PIEZO2: variants seen among roughly 807,000 people sequenced by gnomAD.
The protein encoded by PIEZO2 is piezo-type mechanosensitive ion channel component 2.
In PIEZO2, 172 loss-of-function variants were observed where a neutral mutation model predicts 337.3. The observed-to-expected ratio is 0.51, with a 90% CI of 0.45 to 0.58. The LOEUF is 0.58. PIEZO2 is among the 20% of genes least tolerant of loss of function. The pLI is 0.00. For missense variants in PIEZO2, 3,028 were observed against 3,391.3 expected (o/e 0.89, Z 2.66); for synonymous variants, 1,251 against 1,228.5 (o/e 1.02, Z -0.38).
At chr18:10,802,532 T>G (rs1451147474) in intron 9 of PIEZO2, among the ~76,000 whole-genome samples, 2 of 152,244 alleles carry the variant, frequency 1.3e-5, no homozygotes, top group African/African-American at 2.4e-5. Flanking sequence ...TTTATAATTT[T>G]GCATATCTAT....
At chr18:11,045,429 C>G (rs530932560) in intron 2 of PIEZO2, among the ~76,000 whole-genome samples, 113 of 152,124 alleles carry the variant, frequency 7.4e-4, no homozygotes, top group South Asian at 1.5e-3. Flanking sequence ...GTATTTTCTC[C>G]GTGAGACACA....
intron 2 of PIEZO2, among the ~76,000 whole-genome samples, chr18:11,026,014 T>C (rs943077896): frequency 2.6e-5 from 4 of 152,180 alleles, no homozygotes; most frequent in African/African-American, 9.7e-5. Flanking sequence ...TTTTCAGAGC[T>C]GCTCAGCACC....
At position 10,789,247 on chromosome 18, in the gene PIEZO2, ATCT is replaced by A. The variant is rs754994085; in HGVS notation, c.1998_2000del (p.Glu666del). The stretch of plus-strand genomic sequence containing the variant: ...CCAGGACTTTCATGATGTCCTGCTC[ATCT>A]TCTTCTTCAGCTTCCTCTTGCTCTA... On this transcript the variant is annotated inframe_deletion, in exon 15 of 56. Transcript: ENST00000674853. The A allele has an allele frequency of 3.3e-6, 5 of 1,537,286 alleles. No homozygotes were observed. In the South Asian group the frequency reaches 3.6e-5, roughly 11 times the overall value.
rs1009618881 is a variant in PIEZO2, at chr18:10,953,465, T to TA, written c.286+26069dup. 6.6e-6 allele frequency among the ~76,000 whole-genome samples: 1 copy of TA among 152,158 alleles called. No homozygotes were observed. Among genetic ancestry groups the TA allele is most frequent in the African/African-American group, 2.4e-5 (1 of 41,442 alleles). On this transcript the variant is annotated intron_variant, in intron 3 of 55. Coordinates refer to ENST00000674853, the MANE Select transcript of PIEZO2 (RefSeq NM_001378183.1). The surrounding 1 kb of genome is among the most constrained non-coding windows in gnomAD (Gnocchi z 5.2). Reference sequence around the variant, plus strand: ...AAGAATTTAAGTTCTTTTTTTAATATAAAAAAACACTATTGTTGAAAAGTG... The same window carrying TA: ...AAGAATTTAAGTTCTTTTTTTAATATAAAAAAAACACTATTGTTGAAAAGTG...
chr18:11,028,030 C>T lies in PIEZO2; in HGVS notation c.160+38097G>A, dbSNP rs1474709310. On this transcript the variant is annotated intron_variant, in intron 2 of 55. Transcript: ENST00000674853. The surrounding 1 kb of genome is among the most constrained non-coding windows in gnomAD (Gnocchi z 4.8). ...TAGTGCAGGGTAACCTGCCAAGTGT[C>T]CCTGTGGCTAGTCCAAGCACCGTCA... Among the ~76,000 whole-genome samples the T allele has an allele frequency of 6.6e-6, 1 of 152,218 alleles. No homozygotes were observed. The highest frequency in any genetic ancestry group is 1.5e-5 in the Non-Finnish European group (1 of 68,040).
intron 4 of PIEZO2, among the ~76,000 whole-genome samples, chr18:10,897,961 C>A (rs1195828328): frequency 1.3e-5 from 2 of 152,202 alleles, no homozygotes; most frequent in Non-Finnish European, 2.9e-5. Flanking sequence ...TAGGCTGGTG[C>A]AAGCTCCTCA....
rs762550119 is a variant in PIEZO2 at position 10,699,018 on chromosome 18, G to T, written c.6601C>A (p.Pro2201Thr). ...ASVESVHVTF[P>T]EQQTAVRRKR... Reference sequence around the variant, plus strand: ...CTCCGGACAGCTGTCTGCTGCTCCGGGAAGGTCACATGCACTGACTCCACA... The same window carrying T: ...CTCCGGACAGCTGTCTGCTGCTCCGTGAAGGTCACATGCACTGACTCCACA... Residue 2201 changes from proline (P) to threonine (T), a missense_variant, in exon 44 of 56, where the codon CCG becomes ACG. Pro to Thr is a conservative substitution (Grantham distance 38). Transcript: ENST00000674853. 5.9e-6 allele frequency: 9 copies of T among 1,537,090 alleles called. No individual in the cohort carries two copies. Among genetic ancestry groups the T allele is most frequent in the Middle Eastern group, 1.7e-4 (1 of 5,988 alleles).
intron 2 of PIEZO2, among the ~76,000 whole-genome samples, chr18:11,011,784 T>G (rs1242341389): frequency 6.6e-6 from 1 of 152,114 alleles, no homozygotes; most frequent in Non-Finnish European, 1.5e-5. Context: ...CCAAGGAAAA[T>G]TAGTATTTTC....
rs2037402223 is a variant in PIEZO2 at position 11,048,494 on chromosome 18, A to G, written c.160+17633T>C. On this transcript the variant is annotated intron_variant, in intron 2 of 55. Coordinates refer to ENST00000674853, the MANE Select transcript of PIEZO2 (RefSeq NM_001378183.1). This position sits in a 1 kb window ranked among gnomAD's most constrained non-coding sequence, Gnocchi z 4.5. ...GAAATACTAAAAGGCAGCTTAAAGC[A>G]CAGTAATTGTCTACTTACATGTTGG... Among the ~76,000 whole-genome samples the G allele has an allele frequency of 6.6e-6, 1 of 152,256 alleles. No individual in the cohort carries two copies. The highest frequency in any genetic ancestry group is 1.5e-5 in the Non-Finnish European group (1 of 68,050).
Position 11,096,432 on chromosome 18 carries a change from A to T in PIEZO2, c.65-30210T>A, listed in dbSNP as rs1029429333. Among the ~76,000 whole-genome samples, 1 of 152,210 alleles carries T rather than the reference A, an allele frequency of 6.6e-6. No individual in the cohort carries two copies. Among genetic ancestry groups the T allele is most frequent in the Non-Finnish European group, 1.5e-5 (1 of 68,026 alleles). ...ATCCAGGAGCCTGGTCCCGGGCTCCACACCTGGTTCTGCCTCCTAAGAGCT... is the reference window on the plus strand; with the variant it reads ...ATCCAGGAGCCTGGTCCCGGGCTCCTCACCTGGTTCTGCCTCCTAAGAGCT... On this transcript the variant is annotated intron_variant, in intron 1 of 55. Transcript: ENST00000674853. This position sits in a 1 kb window ranked among gnomAD's most constrained non-coding sequence, Gnocchi z 4.6.
intron 1 of PIEZO2, among the ~76,000 whole-genome samples, chr18:11,133,735 G>A (rs1031758126): frequency 4.0e-5 from 6 of 151,714 alleles, no homozygotes; most frequent in Middle Eastern, 3.2e-3. Context: ...CTCAGCTTGC[G>A]GACAGTCTAT....
intron 3 of PIEZO2, among the ~76,000 whole-genome samples, chr18:10,960,005 T>C (rs997865864): frequency 6.6e-6 from 1 of 152,158 alleles, no homozygotes; most frequent in African/African-American, 2.4e-5. Flanking sequence ...ATTTTATATA[T>C]AGACGTTCAT....
At chr18:10,967,679 T>G (rs769098973) in intron 3 of PIEZO2, among the ~76,000 whole-genome samples, 2 of 152,248 alleles carry the variant, frequency 1.3e-5, no homozygotes, top group Non-Finnish European at 2.9e-5. Flanking sequence ...GATTTGCATT[T>G]CACTGATAAT....
At chr18:11,081,087 A>G (rs2145983747) in intron 1 of PIEZO2, among the ~76,000 whole-genome samples, 1 of 152,320 alleles carries the variant, frequency 6.6e-6, no homozygotes, top group South Asian at 2.1e-4. Flanking sequence ...GGCAAGAAAC[A>G]AGAAAGTTTC....
chr18:11,088,822 G>A (rs1168512130), intron 1 of PIEZO2, among the ~76,000 whole-genome samples: 1 of 152,152 alleles, frequency 6.6e-6, no homozygotes, highest in African/African-American at 2.4e-5. Flanking sequence ...ACCCATACAG[G>A]CCAGCCTCAT....
At chr18:10,876,428 C>A (rs1010288375) in intron 4 of PIEZO2, among the ~76,000 whole-genome samples, 3 of 152,138 alleles carry the variant, frequency 2.0e-5, no homozygotes, top group African/African-American at 4.8e-5. Flanking sequence ...ACAGAATCTT[C>A]CTTGGTCTCT....
At chr18:10,843,834 C>T (rs1309796059) in intron 7 of PIEZO2, among the ~76,000 whole-genome samples, 1 of 152,172 alleles carries the variant, frequency 6.6e-6, no homozygotes, top group Non-Finnish European at 1.5e-5. Flanking sequence ...CCATTAGGTC[C>T]AGACCAATGG....
rs1555667449 is a variant in PIEZO2, at chr18:10,878,782, G to GGA, written c.330-7368_330-7367insTC. On this transcript the variant is annotated intron_variant, in intron 4 of 55. Transcript: ENST00000674853. This position sits in a 1 kb window ranked among gnomAD's most constrained non-coding sequence, Gnocchi z 4.3. ...AGACCATACAAAGCTTGGATGTTTT[G>GGA]AAAAAAAAAAAAAATCACATAACCA... Among the ~76,000 whole-genome samples the GGA allele has an allele frequency of 2.2e-5, 3 of 139,482 alleles. No homozygotes were observed. Among genetic ancestry groups the GGA allele is most frequent in the African/African-American group, 7.7e-5 (3 of 38,794 alleles). The allele number at this position is 139,482 out of a possible 152,430, so 91.5% of individuals were successfully genotyped here.
At chr18:10,939,903 C>T (rs1207497523) in intron 3 of PIEZO2, among the ~76,000 whole-genome samples, 3 of 151,996 alleles carry the variant, frequency 2.0e-5, no homozygotes, top group Non-Finnish European at 2.9e-5. Context: ...CCTGCACATT[C>T]TGCACATGTA....
Sources: gnomAD v4.1 joint callset for allele counts (sites outside exome capture counted in the v4.1 genomes callset) on GRCh38, gnomAD v4.1.1 for gene constraint, Gnocchi (gnomAD v3.1) non-coding constraint, MANE v1.5 for transcripts, NCBI Gene and HGNC (gene_info 2026-07-23, HGNC 2026-07-21) for gene names.